RP2: variants seen among roughly 807,000 people sequenced by gnomAD.
RP2 encodes protein XRP2.
In RP2, 3 loss-of-function variants were observed where a neutral mutation model predicts 20.3. The observed-to-expected ratio is 0.15, with a 90% confidence interval of 0.07 to 0.38. RP2 has a LOEUF of 0.38. Ranked by LOEUF, RP2 falls within the 10% of genes least tolerant of loss-of-function variation. The pLI is 1.00. For synonymous variants in RP2, 75 were observed against 94.8 expected, an observed-to-expected ratio of 0.79 and a Z score of 1.22; for missense variants, 233 against 268.5, an observed-to-expected ratio of 0.87 and a Z score of 0.92.
At position 46,879,717 on chromosome X, in the gene RP2, C is replaced by A. The variant is rs139796627; in HGVS notation, c.1001C>A (p.Ser334Tyr). 213 of 1,198,141 alleles carry A rather than the reference C, an allele frequency of 1.8e-4. No homozygotes were observed. The highest frequency in any genetic ancestry group is 2.3e-4 in the Middle Eastern group (1 of 4,336). Reference sequence around the variant, plus strand: ...GTATCTGAAAGCAAGGAGACGGCATCTGGAGATGTAGACAGCTTCTACAAC... The same window carrying A: ...GTATCTGAAAGCAAGGAGACGGCATATGGAGATGTAGACAGCTTCTACAAC... The part of the protein sequence containing the change: ...MFVSESKETA[S>Y]GDVDSFYNFA... Residue 334 changes from serine (S) to tyrosine (Y), a missense_variant, in exon 5 of 5, where the codon TCT (serine) becomes TAT (tyrosine). Coordinates refer to ENST00000218340, the MANE Select transcript of RP2 (RefSeq NM_006915.3).
intron 3 of RP2, among the ~76,000 whole-genome samples, chrX:46,873,837 A>G (rs782537129): frequency 9.0e-6 from 1 of 111,054 alleles, no homozygotes; most frequent in African/African-American, 3.3e-5. Context: ...CATATGCAGA[A>G]CAGAAATAAG....
rs1556327853 is a variant in RP2 at position 46,877,538 on chromosome X, G to T, written c.917G>T (p.Gly306Val). 8.3e-7 allele frequency: 1 copy of T among 1,208,550 alleles called. No individual in the cohort carries two copies. Among genetic ancestry groups the T allele is most frequent in the African/African-American group, 1.7e-5 (1 of 57,833 alleles). ...ATTGCCTTGGAGTTTAATGGGGATG[G>T]TGCTGTAGAAGTATGTCAACTTATT... ...PVIALEFNGD[G>V]AVEVCQLIVN... The change falls in exon 4 of 5, where the codon GGT becomes GTT. Residue 306 changes from glycine to valine, a missense_variant. Gly to Val is a moderately radical substitution (Grantham distance 109). Transcript: ENST00000218340.
chrX:46,875,008 G>T (rs1556327486), intron 3 of RP2, among the ~76,000 whole-genome samples: 1 of 111,297 alleles, frequency 9.0e-6, no homozygotes, highest in African/African-American at 3.3e-5. Flanking sequence ...CCTTGTTTAC[G>T]TTCAGGTTTA....
At chrX:46,864,875 G>A (rs1483128227) in intron 3 of RP2, among the ~76,000 whole-genome samples, 1 of 112,269 alleles carries the variant, frequency 8.9e-6, no homozygotes, top group Admixed American at 9.5e-5. Flanking sequence ...AGTAGATGAG[G>A]TCTGAGAAGT....
At chrX:46,857,224 T>C (rs1265537529) in intron 2 of RP2, among the ~76,000 whole-genome samples, 1 of 111,299 alleles carries the variant, frequency 9.0e-6, no homozygotes, top group East Asian at 2.8e-4. Flanking sequence ...AGACATTCCA[T>C]AGGGAGCCAA....
chrX:46,866,557 AC>A (rs1925176369), intron 3 of RP2, among the ~76,000 whole-genome samples: 1 of 111,449 alleles, frequency 9.0e-6, no homozygotes, highest in Non-Finnish European at 1.9e-5. Flanking sequence ...AGAATTACTA[AC>A]CCATACCCCT....
chrX:46,865,065 T>A (rs1321241807), intron 3 of RP2, among the ~76,000 whole-genome samples: 2 of 112,539 alleles, frequency 1.8e-5, no homozygotes, highest in Admixed American at 1.9e-4. Context: ...TTTCTGTATA[T>A]CCCTTACCCA....
chrX:46,878,376 CAA>C (rs1327301086), intron 4 of RP2, among the ~76,000 whole-genome samples: 16 of 43,346 alleles, frequency 3.7e-4, no homozygotes, highest in African/African-American at 3.4e-4. Context: ...GACTCTGTCT[CAA>C]AAAAAAAAAA....
chrX:46,862,859 G>A (rs782099774), intron 3 of RP2, among the ~76,000 whole-genome samples: 3 of 112,053 alleles, frequency 2.7e-5, no homozygotes, highest in Non-Finnish European at 5.6e-5. Context: ...TATGTAGAGT[G>A]TTCTTGCCAA....
chrX:46,871,115 G>A (rs782482416), intron 3 of RP2, among the ~76,000 whole-genome samples: 3 of 97,974 alleles, frequency 3.1e-5, no homozygotes, highest in South Asian at 5.0e-4. Context: ...TCCGCCTCCC[G>A]GGTTCAAGCA....
chrX:46,881,775 A>G lies in RP2; in HGVS notation c.*2006A>G, dbSNP rs1347803563. The G allele has an allele frequency of 9.0e-6, 1 of 111,637 alleles. No homozygotes were observed. The highest frequency in any genetic ancestry group is 1.9e-5 in the Non-Finnish European group (1 of 53,179). 9.2% of individuals were successfully genotyped at this position (111,637 alleles called of 1,213,427 possible). On this transcript the variant is annotated 3_prime_UTR_variant, in exon 5 of 5. Transcript: ENST00000218340. Reference sequence around the variant, plus strand: ...CAGGTGTGAGCTACCGCGCCTGGCCATGATGATATTATTAAACACCATTAT... The same window carrying G: ...CAGGTGTGAGCTACCGCGCCTGGCCGTGATGATATTATTAAACACCATTAT...
chrX:46,862,863 T>C (rs1466438001), intron 3 of RP2, among the ~76,000 whole-genome samples: 1 of 112,045 alleles, frequency 8.9e-6, no homozygotes, highest in Non-Finnish European at 1.9e-5. Flanking sequence ...TAGAGTGTTC[T>C]TGCCAAAGTA....
intron 2 of RP2, among the ~76,000 whole-genome samples, chrX:46,858,968 G>A (rs1229468526): frequency 9.0e-6 from 1 of 111,400 alleles, no homozygotes; most frequent in Non-Finnish European, 1.9e-5. Flanking sequence ...TTGAATCACA[G>A]CTCTGTCACT....
intron 1 of RP2, among the ~76,000 whole-genome samples, chrX:46,851,781 CAG>C (rs1417988474): frequency 1.8e-5 from 2 of 109,876 alleles, no homozygotes; most frequent in African/African-American, 6.6e-5. Context: ...AATACAAAAA[CAG>C]GGGCCAGGCG....
In RP2 at chrX:46,855,747, G is replaced by A. The variant is rs782386125; in HGVS notation, c.768+1606G>A. Among the ~76,000 whole-genome samples the A allele has an allele frequency of 4.5e-5, 5 of 110,237 alleles. 1 individual carries two copies. Among genetic ancestry groups the A allele is most frequent in the South Asian group, 7.7e-4 (2 of 2,594 alleles). ...CTCCCAAAGTGCTGGGATTATAGGC[G>A]AGAGCCACCACGCTCGGCCGGAAAA... On this transcript the variant is annotated intron_variant, in intron 2 of 4. Transcript: ENST00000218340.
intron 3 of RP2, among the ~76,000 whole-genome samples, chrX:46,872,423 A>T (rs1256374693): frequency 9.1e-6 from 1 of 110,201 alleles, no homozygotes; most frequent in Non-Finnish European, 1.9e-5. Context: ...TTTTCTTATT[A>T]CCTCTTTTTC....
At chrX:46,848,458 C>T (rs2147079439) in intron 1 of RP2, among the ~76,000 whole-genome samples, 1 of 103,580 alleles carries the variant, frequency 9.7e-6, no homozygotes, top group East Asian at 3.1e-4. Flanking sequence ...GATCTCGGCT[C>T]ACTGCAACTC....
intron 3 of RP2, among the ~76,000 whole-genome samples, chrX:46,860,633 G>C (rs1602349864): frequency 8.9e-6 from 1 of 112,134 alleles, no homozygotes; most frequent in East Asian, 2.8e-4. Flanking sequence ...TCTTCAAAGA[G>C]AGGAACTTGA....
intron 3 of RP2, among the ~76,000 whole-genome samples, chrX:46,876,063 A>G (rs1270152667): frequency 1.8e-5 from 2 of 111,576 alleles, no homozygotes; most frequent in African/African-American, 6.5e-5. Context: ...GGCTGAAGGC[A>G]AGAGGATTGC....
Sources: gnomAD v4.1 joint callset for allele counts (sites outside exome capture counted in the v4.1 genomes callset) on GRCh38, gnomAD v4.1.1 for gene constraint, MANE v1.5 for transcripts, NCBI Gene and HGNC (gene_info 2026-07-23, HGNC 2026-07-21) for gene names.